Variants in GALNTL5 observed in about 807,000 individuals in gnomAD.
GALNTL5 encodes the protein polypeptide N-acetylgalactosaminyltransferase like 5, also known as inactive polypeptide N-acetylgalactosaminyltransferase-like protein 5.
A neutral mutation model predicts 51.0 loss-of-function variants in GALNTL5; 44 were observed. The observed-to-expected ratio is 0.86, with a 90% CI of 0.68 to 1.11. The LOEUF (loss-of-function observed/expected upper bound fraction) is 1.11, where lower values mean the gene tolerates loss of function less well. GALNTL5 is among the 50% of genes least tolerant of loss of function. The pLI, the probability that GALNTL5 is intolerant of heterozygous loss-of-function variation, is 0.00. For synonymous variants in GALNTL5, 192 were observed against 182.8 expected, an observed-to-expected ratio of 1.05 and a Z score of -0.41; for missense variants, 528 against 531.8, an observed-to-expected ratio of 0.99 and a Z score of 0.07.
chr7:151,978,613 G>C (rs1586818696), intron 3 of GALNTL5, among the ~76,000 whole-genome samples: 1 of 152,260 alleles, frequency 6.6e-6, no homozygotes, highest in East Asian at 1.9e-4. Flanking sequence ...CATCAGCTGG[G>C]TAGCTTAGAC....
At chr7:152,019,434 C>A (rs2081860862) in intron 8 of GALNTL5, among the ~76,000 whole-genome samples, 1 of 152,196 alleles carries the variant, frequency 6.6e-6, no homozygotes, top group Non-Finnish European at 1.5e-5. Context: ...GCTAGGGTGC[C>A]ATGGCACGTG....
intron 5 of GALNTL5, among the ~76,000 whole-genome samples, chr7:151,994,420 G>C (rs2081467914): frequency 6.6e-6 from 1 of 152,060 alleles, no homozygotes; most frequent in Admixed American, 6.6e-5. Context: ...CATCTTCCTG[G>C]GAGCTATTTG....
At chr7:151,996,612 G>C (rs959155254) in intron 5 of GALNTL5, among the ~76,000 whole-genome samples, 2 of 152,052 alleles carry the variant, frequency 1.3e-5, no homozygotes, top group East Asian at 3.9e-4. Flanking sequence ...AGCTAGGCGT[G>C]GTGGCCCGTG....
chr7:151,969,056 T>C (rs953027753), intron 2 of GALNTL5, among the ~76,000 whole-genome samples: 1 of 152,214 alleles, frequency 6.6e-6, no homozygotes. Flanking sequence ...TGGACAAATA[T>C]GTAGTTTGCC....
chr7:152,018,608 C>T lies in GALNTL5; in HGVS notation c.1177-1038C>T, dbSNP rs1259917210. ...ATAAAAATCAATGGATTGCATAATA[C>T]AGCACAATGGGAAATTTAGTGACTG... is the stretch of plus-strand genomic sequence containing the variant. On this transcript the variant is annotated intron_variant, in intron 8 of 8. Coordinates refer to ENST00000392800, the MANE Select transcript of GALNTL5 (RefSeq NM_145292.4). 2.6e-5 allele frequency among the ~76,000 whole-genome samples: 4 copies of T among 152,126 alleles called. 1 individual carries two copies. Among genetic ancestry groups the T allele is most frequent in the African/African-American group, 9.7e-5 (4 of 41,410 alleles).
chr7:152,011,289 C>T (rs1282319062), intron 7 of GALNTL5, among the ~76,000 whole-genome samples: 3 of 152,206 alleles, frequency 2.0e-5, no homozygotes, highest in South Asian at 2.1e-4. Flanking sequence ...TACTATTGCT[C>T]GTGGAAAGTG....
At chr7:151,957,305 G>A (rs115840498) in intron 1 of GALNTL5, among the ~76,000 whole-genome samples, 2,838 of 151,518 alleles carry the variant, frequency 0.019, 96 homozygotes, top group African/African-American at 0.064. Context: ...GCACTTTTGG[G>A]GGCCAAGGCA....
chr7:151,994,951 G>T (rs1029528202), intron 5 of GALNTL5: 1 of 152,022 alleles, frequency 6.6e-6, no homozygotes, highest in Non-Finnish European at 1.5e-5. Flanking sequence ...TAGAGACGGG[G>T]TTTCACCGTG....
rs898619542 is a variant in GALNTL5 at position 152,009,179 on chromosome 7, C to T, written c.1026+1235C>T. On this transcript the variant is annotated intron_variant, in intron 7 of 8. Transcript: ENST00000392800. ...TGACACTGGCAGCTGTCTCTAACCACGACAAGTAACCTTGTCTTTCCTGAG... is the reference window on the plus strand; with the variant it reads ...TGACACTGGCAGCTGTCTCTAACCATGACAAGTAACCTTGTCTTTCCTGAG... Among the ~76,000 whole-genome samples, 9 of 152,296 alleles carry T rather than the reference C, an allele frequency of 5.9e-5. No homozygotes were observed. In the South Asian group the frequency reaches 8.3e-4, roughly 14 times the overall value.
chr7:151,980,801 A>T (rs1323465050), intron 3 of GALNTL5, among the ~76,000 whole-genome samples: 1 of 117,200 alleles, frequency 8.5e-6, no homozygotes, highest in South Asian at 2.9e-4. Flanking sequence ...GCTGGAGTGC[A>T]GTGGCGGGAT....
At chr7:151,987,318 G>C (rs764033235) in intron 5 of GALNTL5, 37 bp downstream of exon 5, 2 of 1,525,976 alleles carry the variant, frequency 1.3e-6, no homozygotes. Flanking sequence ...CAGTGACGGC[G>C]TCACAGAGAT....
In GALNTL5 at chr7:151,971,057, G is replaced by A. The variant is rs200837419; in HGVS notation, c.360G>A (p.Arg120=). The A allele has an allele frequency of 3.2e-5, 51 of 1,608,614 alleles. No homozygotes were observed. The highest frequency in any genetic ancestry group is 4.1e-5 in the Non-Finnish European group (48 of 1,175,948). The stretch of plus-strand genomic sequence containing the variant: ...TCGAAAGAGAAGTGCCAGATACCAG[G>A]AGTAAAATGTATGTTGTCTCTCTCT... ...LGIEREVPDT[R]SKMCLQKHYP... Residue 120 remains arginine, a synonymous_variant, in exon 3 of 9, where the codon AGG becomes AGA. Coordinates refer to ENST00000392800, the MANE Select transcript of GALNTL5 (RefSeq NM_145292.4).
At chr7:151,967,566 G>A in intron 2 of GALNTL5, 73 bp downstream of exon 2, 1 of 1,312,692 alleles carries the variant, frequency 7.6e-7, no homozygotes, top group Non-Finnish European at 1.1e-6. Flanking sequence ...ATTTGGAAGA[G>A]TACGAGACTA....
At chr7:152,015,950 A>G (rs1445785803) in intron 8 of GALNTL5, among the ~76,000 whole-genome samples, 7 of 152,226 alleles carry the variant, frequency 4.6e-5, no homozygotes, top group Admixed American at 2.6e-4. Flanking sequence ...TCTCTCTGAC[A>G]GTGTATGTCC....
chr7:151,967,579 C>T, intron 2 of GALNTL5, 86 bp downstream of exon 2: 1 of 1,105,906 alleles, frequency 9.0e-7, no homozygotes, highest in Non-Finnish European at 1.3e-6. Context: ...CGAGACTATC[C>T]TTTTTAAAGC....
intron 8 of GALNTL5, 59 bp from the exon 9 acceptor site, chr7:152,019,587 T>G: frequency 6.7e-7 from 1 of 1,501,384 alleles, no homozygotes; most frequent in Non-Finnish European, 9.1e-7. Flanking sequence ...GATATAATCA[T>G]TTGATCAGCA....
chr7:152,007,836 A>G lies in GALNTL5; in HGVS notation c.918A>G (p.Ala306=). Residue 306 remains alanine, a synonymous_variant, in exon 7 of 9, where the codon GCA becomes GCG. Coordinates refer to ENST00000392800, the MANE Select transcript of GALNTL5 (RefSeq NM_145292.4). ...EGSTKPIRSP[A]MSGGIFAIRR... is the part of the protein sequence containing the mutation. The stretch of plus-strand genomic sequence containing the variant: ...TATGTCCCCTTTCTAGGTCACCTGC[A>G]ATGTCTGGAGGAATTTTTGCTATAC... 3 of 1,590,588 alleles carry G rather than the reference A, an allele frequency of 1.9e-6. No homozygotes were observed. Among genetic ancestry groups the G allele is most frequent in the Non-Finnish European group, 2.6e-6 (3 of 1,158,824 alleles).
chr7:151,992,598 C>T (rs1054127450), intron 5 of GALNTL5, among the ~76,000 whole-genome samples: 36 of 152,150 alleles, frequency 2.4e-4, no homozygotes, highest in Non-Finnish European at 4.1e-4. Flanking sequence ...CTCAGAAGGA[C>T]TCCAGTCACA....
chr7:151,983,576 G>A (rs538293189), intron 4 of GALNTL5, among the ~76,000 whole-genome samples: 248 of 152,270 alleles, frequency 1.6e-3, no homozygotes, highest in African/African-American at 5.8e-3. Context: ...ACTGCACTAG[G>A]GGCTCTTGGT....
Sources: gnomAD v4.1 joint callset for allele counts (sites outside exome capture counted in the v4.1 genomes callset) on GRCh38, gnomAD v4.1.1 for gene constraint, MANE v1.5 for transcripts, NCBI Gene and HGNC (gene_info 2026-07-23, HGNC 2026-07-21) for gene names.